Variants in EBF1 observed in about 807,000 individuals in gnomAD.
EBF1 encodes EBF transcription factor 1, also known as transcription factor COE1.
Under a neutral mutation model 68.4 loss-of-function variants are expected in EBF1, and 10 were observed. The observed-to-expected ratio is 0.15, with a 90% confidence interval of 0.09 to 0.25. The LOEUF (loss-of-function observed/expected upper bound fraction) is 0.25. Among genes scored for constraint, EBF1 ranks in the 10% least tolerant of loss-of-function variants. The pLI, the probability that EBF1 is intolerant of heterozygous loss-of-function variation, is 1.00. For synonymous variants in EBF1, 298 were observed against 299.8 expected (o/e 0.99, Z 0.06); for missense variants, 509 against 794.4 (o/e 0.64, Z 4.32).
At chr5:159,009,040 T>C (rs1338333799) in intron 6 of EBF1, among the ~76,000 whole-genome samples, 2 of 152,220 alleles carry the variant, frequency 1.3e-5, no homozygotes, top group Non-Finnish European at 2.9e-5. Flanking sequence ...TCTCCCAGCC[T>C]CATGCTCTCC....
chr5:158,709,594 C>T (rs1020113606), intron 14 of EBF1, among the ~76,000 whole-genome samples: 5 of 152,212 alleles, frequency 3.3e-5, no homozygotes, highest in Admixed American at 6.5e-5. Flanking sequence ...CAACAATTGC[C>T]ATCAGGGGAA....
rs952021670 is a variant in EBF1 at position 158,945,008 on chromosome 5, C to T, written c.555-104898G>A. Among the ~76,000 whole-genome samples the T allele has an allele frequency of 2.6e-5, 4 of 152,040 alleles. No homozygotes were observed. In the South Asian group the frequency reaches 8.3e-4, roughly 32 times the overall value. ...ATGGATAGATTGCAAAAATTTTCTC[C>T]CATTCTGTAGGTTGCCTGTTCACTC... On this transcript the variant is annotated intron_variant, in intron 6 of 15. Coordinates refer to ENST00000313708, the MANE Select transcript of EBF1 (RefSeq NM_024007.5).
intron 6 of EBF1, among the ~76,000 whole-genome samples, chr5:158,871,934 A>G (rs920043192): frequency 6.6e-6 from 1 of 152,252 alleles, no homozygotes; most frequent in Non-Finnish European, 1.5e-5. Context: ...CAATGGGATC[A>G]AAGCCTAAAA....
At chr5:158,822,519 A>C (rs1327121073) in intron 8 of EBF1, among the ~76,000 whole-genome samples, 1 of 152,206 alleles carries the variant, frequency 6.6e-6, no homozygotes, top group Non-Finnish European at 1.5e-5. Flanking sequence ...ACCACTGATT[A>C]GCCATAATTC....
At chr5:159,068,989 A>G (rs114555882) in intron 6 of EBF1, among the ~76,000 whole-genome samples, 3,130 of 152,220 alleles carry the variant, frequency 0.021, 46 homozygotes, top group Non-Finnish European at 0.034. Context: ...ATGGGGGAAA[A>G]AGGCATGGTA....
At chr5:158,857,768 T>A (rs531833003) in intron 6 of EBF1, among the ~76,000 whole-genome samples, 49 of 152,298 alleles carry the variant, frequency 3.2e-4, no homozygotes, top group Non-Finnish European at 6.6e-4. Context: ...TGCTTCTTGG[T>A]CTCACCTAGT....
intron 10 of EBF1, among the ~76,000 whole-genome samples, chr5:158,763,822 G>A (rs1344294586): frequency 6.6e-6 from 1 of 152,142 alleles, no homozygotes; most frequent in African/African-American, 2.4e-5. Flanking sequence ...ATCTGCTCTG[G>A]TTTTGTAAGC....
At chr5:158,998,351 A>G (rs1761863655) in intron 6 of EBF1, among the ~76,000 whole-genome samples, 1 of 152,132 alleles carries the variant, frequency 6.6e-6, no homozygotes, top group Admixed American at 6.5e-5. Context: ...CTACTCCGCA[A>G]GCTCTAGCCC....
intron 6 of EBF1, among the ~76,000 whole-genome samples, chr5:158,961,856 C>T (rs995909993): frequency 5.3e-5 from 8 of 152,034 alleles, no homozygotes; most frequent in Non-Finnish European, 7.4e-5. Flanking sequence ...GGAAAGAGAG[C>T]GAATTTTTTT....
At chr5:159,069,166 G>A (rs1306689695) in intron 6 of EBF1, among the ~76,000 whole-genome samples, 1 of 151,536 alleles carries the variant, frequency 6.6e-6, no homozygotes, top group East Asian at 1.9e-4. Flanking sequence ...ACACCAATAG[G>A]AGAACATAAT....
At position 158,861,558 on chromosome 5, in the gene EBF1, G is replaced by A. The variant is rs538526464; in HGVS notation, c.555-21448C>T. 9.2e-5 allele frequency among the ~76,000 whole-genome samples: 14 copies of A among 152,360 alleles called. No individual in the cohort carries two copies. In the East Asian group the frequency reaches 2.7e-3, roughly 29 times the overall value. ...CCCTCCATTGGCCTGAGCCAGAAAT[G>A]TTCCCTGCAACTTGAAACCAATGGC... On this transcript the variant is annotated intron_variant, in intron 6 of 15. Transcript: ENST00000313708.
At chr5:158,817,468 G>T (rs116000422) in intron 8 of EBF1, among the ~76,000 whole-genome samples, 1 of 152,078 alleles carries the variant, frequency 6.6e-6, no homozygotes, top group Admixed American at 6.6e-5. Flanking sequence ...ACCCACACTT[G>T]CTTGCCTTTT....
intron 2 of EBF1, 73 bp downstream of exon 2, chr5:159,096,901 C>A: frequency 6.4e-7 from 1 of 1,550,672 alleles, no homozygotes; most frequent in Non-Finnish European, 8.7e-7. Flanking sequence ...AGGAAGGGCG[C>A]GCTGCCCAAG....
In EBF1 at chr5:159,030,579, C is replaced by T. The variant is rs147970819; in HGVS notation, c.554+42817G>A. On this transcript the variant is annotated intron_variant, in intron 6 of 15. Coordinates refer to ENST00000313708, the MANE Select transcript of EBF1 (RefSeq NM_024007.5). ...CAGGGACAACAGGATCCGATCTGAG[C>T]GGAGGGCCAGGTGGGAAAGGCAGCC... Among the ~76,000 whole-genome samples the T allele has an allele frequency of 6.8e-3, 1,035 of 152,164 alleles. 8 individuals are homozygous for T. The highest frequency in any genetic ancestry group is 0.012 in the Non-Finnish European group (815 of 68,004).
chr5:158,841,761 T>C (rs558692981), intron 6 of EBF1, among the ~76,000 whole-genome samples: 2 of 152,348 alleles, frequency 1.3e-5, no homozygotes, highest in Admixed American at 1.3e-4. Flanking sequence ...ATCCCTCTGC[T>C]CCTTGGTCTC....
intron 6 of EBF1, among the ~76,000 whole-genome samples, chr5:158,969,916 G>GAAAAAAAAA (rs61157554): frequency 1.2e-5 from 1 of 80,076 alleles, no homozygotes; most frequent in Non-Finnish European, 2.5e-5. Context: ...AAGAAAGAAA[G>GAAAAAAAAA]AAAAAAAAAA....
rs755687459 is a variant in EBF1 at position 158,702,583 on chromosome 5, G to C, written c.1745-3441C>G. ...TGGGAGGGTTTGGAGTGAGAGGGTG[G>C]AATGTGGTCGTACCCAAACCACCAC... On this transcript the variant is annotated intron_variant, in intron 15 of 15. Transcript: ENST00000313708. Among the ~76,000 whole-genome samples the C allele has an allele frequency of 1.5e-3, 234 of 151,844 alleles. 7 individuals are homozygous for C. Among genetic ancestry groups the C allele is most frequent in the Non-Finnish European group, 3.7e-4 (25 of 67,950 alleles).
rs1192523771 is a variant in EBF1 at position 158,698,512 on chromosome 5, G to T, written c.*599C>A. ...AATAAGCTTGCACTGCTAAGGGGTG[G>T]CATGTTAAGTTAGATATTGAAAATG... On this transcript the variant is annotated 3_prime_UTR_variant, in exon 16 of 16. Transcript: ENST00000313708. 1 of 219,838 alleles carries T rather than the reference G, an allele frequency of 4.5e-6. No homozygotes were observed. The highest frequency in any genetic ancestry group is 9.1e-6 in the Non-Finnish European group (1 of 109,428). 13.6% of individuals were successfully genotyped at this position (219,838 alleles called of 1,614,324 possible).
chr5:158,851,388 TGGGAGG>T (rs1285119436), intron 6 of EBF1, among the ~76,000 whole-genome samples: 79 of 6,630 alleles, frequency 0.012, no homozygotes, highest in African/African-American at 0.042. Context: ...GGAAGGGGAA[TGGGAGG>T]GGGAGGGGGA....
Sources: allele counts gnomAD v4.1 joint callset (sites outside exome capture counted in the v4.1 genomes callset), GRCh38; gene constraint gnomAD v4.1.1; transcripts MANE v1.5; gene names NCBI Gene and HGNC (gene_info 2026-07-23, HGNC 2026-07-21).